IQCH: variants seen among roughly 807,000 people sequenced by gnomAD.
IQCH encodes IQ domain-containing protein H.
Under a neutral mutation model 117.0 loss-of-function variants are expected in IQCH, and 98 were observed. The observed-to-expected ratio is 0.84, with a 90% CI of 0.71 to 0.99. IQCH has a LOEUF of 0.99. IQCH is among the 50% of genes least tolerant of loss of function. The pLI is 0.00. For synonymous variants in IQCH, 412 were observed against 448.2 expected (o/e 0.92, Z 1.02); for missense variants, 1,102 against 1,243.8 (o/e 0.89, Z 1.72).
chr15:67,352,200 A>G (rs1309512016), intron 6 of IQCH, among the ~76,000 whole-genome samples: 1 of 152,166 alleles, frequency 6.6e-6, no homozygotes, highest in African/African-American at 2.4e-5. Context: ...GTCTAAAGTT[A>G]ATAAATATCT....
In IQCH at chr15:67,416,912, A is replaced by G. The variant is rs776580553; in HGVS notation, c.2098-19A>G. On this transcript the variant is annotated intron_variant, in intron 14 of 20. Transcript: ENST00000335894. This position sits in a 1 kb window ranked among gnomAD's most constrained non-coding sequence, Gnocchi z 5.1. ...CTGTAGTAAAATTGCTTGTGGTTCTATTTAATTTGTTTCTGCAGGAGCCAG... is the reference window on the plus strand; with the variant it reads ...CTGTAGTAAAATTGCTTGTGGTTCTGTTTAATTTGTTTCTGCAGGAGCCAG... 9 of 1,565,610 alleles carry G rather than the reference A, an allele frequency of 5.7e-6. No homozygotes were observed. Among genetic ancestry groups the G allele is most frequent in the African/African-American group, 2.8e-5 (2 of 72,248 alleles).
chr15:67,480,242 G>A (rs938780025), intron 18 of IQCH, among the ~76,000 whole-genome samples: 12 of 152,264 alleles, frequency 7.9e-5, no homozygotes, highest in East Asian at 3.9e-4. Flanking sequence ...GGCACATAAC[G>A]AAACTGTATT....
At chr15:67,372,003 C>T in intron 8 of IQCH, 108 bp from the exon 9 acceptor site, 1 of 961,672 alleles carries the variant, frequency 1.0e-6, no homozygotes, top group Non-Finnish European at 1.5e-6. Context: ...GGATTCATAT[C>T]TTCCCACCAT....
Position 67,406,573 on chromosome 15 carries a change from GTT to G in IQCH, c.2097+6272_2097+6273del, listed in dbSNP as rs1418102709. ...AAAAAAATAAGCAACCAAATATTTT[GTT>G]TTTGTTTTAATTTTTTTAGTCTCCT... On this transcript the variant is annotated intron_variant, in intron 14 of 20. Transcript: ENST00000335894. This position sits in a 1 kb window ranked among gnomAD's most constrained non-coding sequence, Gnocchi z 4.5. 6.6e-6 allele frequency: 1 copy of G among 152,132 alleles called. No homozygotes were observed. The highest frequency in any genetic ancestry group is 1.5e-5 in the Non-Finnish European group (1 of 68,014). 9.4% of individuals were successfully genotyped at this position (152,132 alleles called of 1,614,324 possible).
At chr15:67,323,987 C>T (rs752934942) in intron 4 of IQCH, among the ~76,000 whole-genome samples, 8 of 129,772 alleles carry the variant, frequency 6.2e-5, no homozygotes, top group South Asian at 2.4e-4. Flanking sequence ...TCTGTTACCC[C>T]GGCTGGAATG....
rs940833663 is a variant in IQCH at position 67,360,196 on chromosome 15, A to G, written c.753+311A>G. 16 of 344,704 alleles carry G rather than the reference A, an allele frequency of 4.6e-5. No homozygotes were observed. In the Admixed American group the frequency reaches 5.4e-4, roughly 12 times the overall value. 21.4% of individuals were successfully genotyped at this position (344,704 alleles called of 1,614,324 possible). On this transcript the variant is annotated intron_variant, in intron 8 of 20. Transcript: ENST00000335894. ...TCTTCAAATTCAATCAAAGATTTTCATCTTTTAAAAGTACACTTAAAAAGA... is the reference window on the plus strand; with the variant it reads ...TCTTCAAATTCAATCAAAGATTTTCGTCTTTTAAAAGTACACTTAAAAAGA...
At position 67,456,189 on chromosome 15, in the gene IQCH, G is replaced by A. The variant is rs1028594643; in HGVS notation, c.2506-8938G>A. Reference sequence around the variant, plus strand: ...GGTGAAAAGTATAAATACAGCTGCCGATGATGAAAGTTTAAGTTTCAAGAT... The same window carrying A: ...GGTGAAAAGTATAAATACAGCTGCCAATGATGAAAGTTTAAGTTTCAAGAT... On this transcript the variant is annotated intron_variant, in intron 16 of 20. Transcript: ENST00000335894. This position sits in a 1 kb window ranked among gnomAD's most constrained non-coding sequence, Gnocchi z 5.1. 3.9e-5 allele frequency among the ~76,000 whole-genome samples: 6 copies of A among 152,050 alleles called. No homozygotes were observed. Among genetic ancestry groups the A allele is most frequent in the African/African-American group, 9.7e-5 (4 of 41,382 alleles).
At chr15:67,375,005 C>T (rs1014037657) in intron 10 of IQCH, among the ~76,000 whole-genome samples, 1 of 152,194 alleles carries the variant, frequency 6.6e-6, no homozygotes, top group African/African-American at 2.4e-5. Context: ...CTCCTATACT[C>T]CCACCTCTGA....
At position 67,436,190 on chromosome 15, in the gene IQCH, A is replaced by G. The variant is rs1451160081; in HGVS notation, c.2505+14613A>G. On this transcript the variant is annotated intron_variant, in intron 16 of 20. Coordinates refer to ENST00000335894, the MANE Select transcript of IQCH (RefSeq NM_001031715.3). This position sits in a 1 kb window ranked among gnomAD's most constrained non-coding sequence, Gnocchi z 5.1. ...ATAAATGTATTATCGAGACCCACTG[A>G]AGGAAGCCGACTGCTCCTGCAGGAC... Among the ~76,000 whole-genome samples, 1 of 152,088 alleles carries G rather than the reference A, an allele frequency of 6.6e-6. No individual in the cohort carries two copies. The highest frequency in any genetic ancestry group is 2.4e-5 in the African/African-American group (1 of 41,412).
chr15:67,454,448 A>G lies in IQCH; in HGVS notation c.2506-10679A>G, dbSNP rs567873280. On this transcript the variant is annotated intron_variant, in intron 16 of 20. Coordinates refer to ENST00000335894, the MANE Select transcript of IQCH (RefSeq NM_001031715.3). This position sits in a 1 kb window ranked among gnomAD's most constrained non-coding sequence, Gnocchi z 5.2. ...TTCAAAATTCACACTTTTAAAATAT[A>G]CATTACAATGGTTTTTAGTATATTC... 1.3e-5 allele frequency among the ~76,000 whole-genome samples: 2 copies of G among 152,346 alleles called. No individual in the cohort carries two copies. The highest frequency in any genetic ancestry group is 3.9e-4 in the East Asian group (2 of 5,192).
At chr15:67,486,214 AT>A (rs1482379496) in intron 18 of IQCH, among the ~76,000 whole-genome samples, 1 of 150,220 alleles carries the variant, frequency 6.7e-6, no homozygotes, top group Non-Finnish European at 1.5e-5. Context: ...TTCTTTTTGT[AT>A]TTTTAATAGA....
chr15:67,265,364 T>C (rs886098542), intron 3 of IQCH, among the ~76,000 whole-genome samples: 1 of 152,228 alleles, frequency 6.6e-6, no homozygotes, highest in South Asian at 2.1e-4. Context: ...CCAGAAGTGG[T>C]ACTTGGATCA....
chr15:67,492,447 A>T (rs2083683561), intron 19 of IQCH, among the ~76,000 whole-genome samples: 1 of 152,232 alleles, frequency 6.6e-6, no homozygotes, highest in African/African-American at 2.4e-5. Flanking sequence ...GCAATCAGAC[A>T]GGCCAAACAC....
At chr15:67,423,915 G>A (rs2081818812) in intron 16 of IQCH, among the ~76,000 whole-genome samples, 1 of 151,966 alleles carries the variant, frequency 6.6e-6, no homozygotes, top group Non-Finnish European at 1.5e-5. Context: ...AGGTAAAACT[G>A]TGGTCCCTGG....
Position 67,362,170 on chromosome 15 carries a change from CAT to C in IQCH, c.753+2287_753+2288del, listed in dbSNP as rs1491300276. Among the ~76,000 whole-genome samples the C allele has an allele frequency of 7.2e-3, 1,066 of 147,742 alleles. 6 individuals carry two copies. The highest frequency in any genetic ancestry group is 0.01 in the Admixed American group (145 of 14,492). ...CACACCACACACACACACACACACA[CAT>C]ACACACGTATATTTACAGCAAAGAC... On this transcript the variant is annotated intron_variant, in intron 8 of 20. Coordinates refer to ENST00000335894, the MANE Select transcript of IQCH (RefSeq NM_001031715.3).
intron 3 of IQCH, among the ~76,000 whole-genome samples, chr15:67,271,340 T>C (rs1284981734): frequency 6.6e-6 from 1 of 152,230 alleles, no homozygotes. Flanking sequence ...TTTGCATCTA[T>C]ATTTATGAGT....
intron 4 of IQCH, among the ~76,000 whole-genome samples, chr15:67,293,488 ATACT>A (rs1281833289): frequency 5.9e-5 from 9 of 152,198 alleles, no homozygotes; most frequent in African/African-American, 2.2e-4. Flanking sequence ...ATTATTTGTA[ATACT>A]TAATACCATG....
rs1283323942 is a variant in IQCH, at chr15:67,365,129, C to T, written c.753+5244C>T. 5.3e-5 allele frequency among the ~76,000 whole-genome samples: 8 copies of T among 151,976 alleles called. No individual in the cohort carries two copies. The highest frequency in any genetic ancestry group is 4.6e-4 in the Admixed American group (7 of 15,262). On this transcript the variant is annotated intron_variant, in intron 8 of 20. Transcript: ENST00000335894. The surrounding 1 kb of genome is among the most constrained non-coding windows in gnomAD (Gnocchi z 4.4). ...GCTAATTTTTCTGGCATTTCTTTGT[C>T]GAGATGGGGTTTTACCATGTTGCCC...
At chr15:67,332,299 G>T (rs897358537) in intron 4 of IQCH, among the ~76,000 whole-genome samples, 1 of 152,118 alleles carries the variant, frequency 6.6e-6, no homozygotes, top group Admixed American at 6.6e-5. Context: ...ACATCCAGAT[G>T]AGAAGAAAGT....
Sources: gnomAD v4.1 joint callset for allele counts (sites outside exome capture counted in the v4.1 genomes callset) on GRCh38, gnomAD v4.1.1 for gene constraint, Gnocchi (gnomAD v3.1) non-coding constraint, MANE v1.5 for transcripts, NCBI Gene and HGNC (gene_info 2026-07-23, HGNC 2026-07-21) for gene names.